The following SV2C variants were observed in gnomAD, a reference collection of about 807,000 sequenced individuals.
The protein encoded by SV2C is synaptic vesicle glycoprotein 2C.
In SV2C, 49 loss-of-function variants were observed where a neutral mutation model predicts 79.7. The ratio of observed to expected loss-of-function variants is 0.61; its 90% CI spans 0.49 to 0.78. The LOEUF (loss-of-function observed/expected upper bound fraction) is 0.78, where lower values mean the gene tolerates loss of function less well. Among genes scored for constraint, SV2C ranks in the 30% least tolerant of loss-of-function variants. The pLI is 0.00. For missense variants in SV2C, 833 were observed against 912.9 expected (o/e 0.91, Z 1.13); for synonymous variants, 334 against 333.2 (o/e 1.00, Z -0.03).
intron 4 of SV2C, among the ~76,000 whole-genome samples, chr5:76,214,616 T>G (rs374765824): frequency 6.6e-5 from 10 of 152,176 alleles, no homozygotes; most frequent in African/African-American, 2.4e-4. Context: ...TCTGTTTGAG[T>G]AGCATTGACA....
chr5:75,869,107 ACCAAGTG>A, the SV2C span, among the ~76,000 whole-genome samples: 271 of 152,116 alleles, frequency 1.8e-3, 2 homozygotes, highest in African/African-American at 6.0e-3. Context: ...GGGATACAGC[ACCAAGTG>A]GGCTCTTGGG....
At chr5:76,001,456 G>C in the SV2C span, among the ~76,000 whole-genome samples, 1 of 152,032 alleles carries the variant, frequency 6.6e-6, no homozygotes, top group Non-Finnish European at 1.5e-5. Context: ...CAAAAAATTA[G>C]CCTGGCGTGG....
At chr5:76,141,034 C>T (rs1197661865) in intron 2 of SV2C, among the ~76,000 whole-genome samples, 1 of 152,144 alleles carries the variant, frequency 6.6e-6, no homozygotes, top group African/African-American at 2.4e-5. Flanking sequence ...AATAATTTAT[C>T]GCCATTATGG....
At chr5:75,907,072 G>A in the SV2C span, among the ~76,000 whole-genome samples, 6 of 152,154 alleles carry the variant, frequency 3.9e-5, no homozygotes, top group African/African-American at 1.2e-4. Flanking sequence ...TTTTGGTCAT[G>A]TGCCCAACCT....
the SV2C span, among the ~76,000 whole-genome samples, chr5:75,904,537 G>C: frequency 5.9e-5 from 9 of 152,128 alleles, no homozygotes; most frequent in African/African-American, 1.9e-4. Context: ...CCCCTGTCCA[G>C]AGCGTCAAGA....
chr5:76,163,996 A>C (rs961355759), intron 2 of SV2C, among the ~76,000 whole-genome samples: 3 of 152,218 alleles, frequency 2.0e-5, no homozygotes, highest in Non-Finnish European at 2.9e-5. Context: ...CAATCCTCAG[A>C]GTCCAATAGG....
chr5:76,174,008 G>T (rs11541288), intron 2 of SV2C: 1 of 1,566,700 alleles, frequency 6.4e-7, no homozygotes. Context: ...CTCCGTTCCT[G>T]CAGTATCCAA....
At chr5:75,975,664 T>TAGGCGTAAA in the SV2C span, among the ~76,000 whole-genome samples, 1 of 152,318 alleles carries the variant, frequency 6.6e-6, no homozygotes, top group African/African-American at 2.4e-5. Context: ...TTCTGGTTTC[T>TAGGCGTAAA]AGGCGTAAAA....
the SV2C span, among the ~76,000 whole-genome samples, chr5:76,009,303 C>T: frequency 6.6e-6 from 1 of 152,176 alleles, no homozygotes; most frequent in Non-Finnish European, 1.5e-5. Context: ...ATCTTATACA[C>T]TGTTGATGAG....
chr5:76,205,285 A>C (rs1353954042), intron 3 of SV2C, among the ~76,000 whole-genome samples: 1 of 152,176 alleles, frequency 6.6e-6, no homozygotes, highest in East Asian at 1.9e-4. Flanking sequence ...TTAAAGTTGC[A>C]AAAACCTAGC....
chr5:76,219,053 C>T (rs1744987620), intron 4 of SV2C, among the ~76,000 whole-genome samples: 1 of 152,116 alleles, frequency 6.6e-6, no homozygotes, highest in African/African-American at 2.4e-5. Context: ...GTCCTGTGCC[C>T]ACTACTCTAG....
intron 3 of SV2C, among the ~76,000 whole-genome samples, chr5:76,199,530 C>G (rs1343199008): frequency 6.6e-6 from 1 of 152,156 alleles, no homozygotes. Context: ...ACAACTGATG[C>G]CTGAAAATAT....
At chr5:76,029,624 TAC>T in the SV2C span, among the ~76,000 whole-genome samples, 98 of 152,118 alleles carry the variant, frequency 6.4e-4, no homozygotes, top group African/African-American at 2.3e-3. Context: ...GGCAAAAATT[TAC>T]ACTTATTATT....
At chr5:75,905,700 C>T in the SV2C span, among the ~76,000 whole-genome samples, 2 of 152,018 alleles carry the variant, frequency 1.3e-5, no homozygotes, top group Admixed American at 1.3e-4. Flanking sequence ...GTGTTCTTCA[C>T]TTATCATCAG....
intron 8 of SV2C, among the ~76,000 whole-genome samples, chr5:76,293,932 C>T (rs146925130): frequency 6.6e-6 from 1 of 152,310 alleles, no homozygotes; most frequent in East Asian, 1.9e-4. Context: ...CCCAGCCTGT[C>T]CTCCTGCAAA....
chr5:75,862,331 G>T, the SV2C span, among the ~76,000 whole-genome samples: 2 of 152,182 alleles, frequency 1.3e-5, 1 homozygote, highest in South Asian at 4.1e-4. Flanking sequence ...AGTTGTATTG[G>T]GGAGGCAGCT....
chr5:76,099,287 G>A (rs1010392603), intron 1 of SV2C, among the ~76,000 whole-genome samples: 3 of 151,912 alleles, frequency 2.0e-5, no homozygotes, highest in African/African-American at 7.3e-5. Flanking sequence ...GTATACCTGA[G>A]CTCCTGAGAC....
At position 76,328,001 on chromosome 5, in the gene SV2C, G is replaced by A. The variant is rs549641242; in HGVS notation, c.*2454G>A. The stretch of plus-strand genomic sequence containing the variant: ...TCTTTTCTCATCTCCTGGACAGTCT[G>A]TGGTCACAAACCTTCTTGGTCACCA... On this transcript the variant is annotated 3_prime_UTR_variant, in exon 13 of 13. Coordinates refer to ENST00000502798, the MANE Select transcript of SV2C (RefSeq NM_014979.4). 1 of 152,368 alleles carries A rather than the reference G, an allele frequency of 6.6e-6. No individual in the cohort carries two copies. The highest frequency in any genetic ancestry group is 1.9e-4 in the East Asian group (1 of 5,180). 9.4% of individuals were successfully genotyped at this position (152,368 alleles called of 1,614,324 possible).
chr5:76,178,102 C>T (rs902432537), intron 2 of SV2C, among the ~76,000 whole-genome samples: 7 of 152,206 alleles, frequency 4.6e-5, no homozygotes, highest in Admixed American at 2.0e-4. Flanking sequence ...ATATCAGTCT[C>T]AGGGTAGTCA....
Sources: gnomAD v4.1 joint callset for allele counts (sites outside exome capture counted in the v4.1 genomes callset) on GRCh38, gnomAD v4.1.1 for gene constraint, MANE v1.5 for transcripts, NCBI Gene and HGNC (gene_info 2026-07-23, HGNC 2026-07-21) for gene names.